Variants in VSIR observed in about 807,000 individuals in gnomAD.
The protein encoded by VSIR is V-type immunoglobulin domain-containing suppressor of T-cell activation.
VSIR carries 10 observed loss-of-function variants against 31.0 expected under a neutral mutation model. The observed-to-expected ratio is 0.32, with a 90% CI of 0.20 to 0.55. The LOEUF (loss-of-function observed/expected upper bound fraction) is 0.55. Ranked by LOEUF, VSIR falls within the 20% of genes least tolerant of loss-of-function variation. The probability of loss-of-function intolerance (pLI) is 0.93; values close to 1 mark genes in which losing one functional copy is unlikely to be tolerated. For synonymous variants in VSIR, 179 were observed against 180.1 expected (o/e 0.99, Z 0.05); for missense variants, 356 against 416.2 (o/e 0.86, Z 1.26).
chr10:71,765,565 A>T lies in VSIR; in HGVS notation c.83-3539T>A, dbSNP rs577698656. 7.2e-4 allele frequency among the ~76,000 whole-genome samples: 110 copies of T among 152,088 alleles called. 1 individual carries two copies. Among genetic ancestry groups the T allele is most frequent in the Admixed American group, 3.5e-3 (54 of 15,290 alleles). ...CAGGGTCTAAGCAATGGGGTTAATGACCCCAGGATTGTACCCATAGCACCC... is the reference window on the plus strand; with the variant it reads ...CAGGGTCTAAGCAATGGGGTTAATGTCCCCAGGATTGTACCCATAGCACCC... On this transcript the variant is annotated intron_variant, in intron 1 of 6. Coordinates refer to ENST00000394957, the MANE Select transcript of VSIR (RefSeq NM_022153.2).
At chr10:71,753,944 G>T (rs76857130) in intron 4 of VSIR, 2 of 450,144 alleles carry the variant, frequency 4.4e-6, no homozygotes, top group African/African-American at 2.0e-5. Flanking sequence ...TGGGGTGAGG[G>T]TTGTTGGTCC....
At position 71,773,477 on chromosome 10, in the gene VSIR, G is replaced by C. The variant is rs538222357; in HGVS notation, c.-38C>G. On this transcript the variant is annotated 5_prime_UTR_variant, in exon 1 of 7. Coordinates refer to ENST00000394957, the MANE Select transcript of VSIR (RefSeq NM_022153.2). The stretch of plus-strand genomic sequence containing the variant: ...CGCGCAGAGGAACTTCTGGTGCCGG[G>C]GAGCGGGCGGGACGCGGCCGGCGCG... 2.6e-6 allele frequency: 4 copies of C among 1,555,406 alleles called. No individual in the cohort carries two copies. Among genetic ancestry groups the C allele is most frequent in the Non-Finnish European group, 3.5e-6 (4 of 1,147,070 alleles).
rs1270716103 is a variant in VSIR at position 71,761,600 on chromosome 10, G to A, written c.509C>T (p.Thr170Ile). 4 of 1,583,394 alleles carry A rather than the reference G, an allele frequency of 2.5e-6. No homozygotes were observed. Among genetic ancestry groups the A allele is most frequent in the East Asian group, 2.2e-5 (1 of 44,472 alleles). The change falls in exon 2 of 7, where the codon ACA (threonine) becomes ATA (isoleucine). Residue 170 changes from threonine to isoleucine, a missense_variant and splice_region_variant. Around this residue, in one of 2 missense-constraint regions of VSIR, gnomAD observed 190 missense variants for 185.2 expected, o/e 1.03. Coordinates refer to ENST00000394957, the MANE Select transcript of VSIR (RefSeq NM_022153.2). ...VHGAMELQVQ[T>I]GKDAPSNCVV... is the part of the protein sequence containing the mutation. ...TGTCACGTGCAGGATGCCCTCACCT[G>A]TCTGCACCTGCAGCTCCATGGCACC...
At chr10:71,770,427 C>A (rs962284815) in intron 1 of VSIR, among the ~76,000 whole-genome samples, 3 of 152,164 alleles carry the variant, frequency 2.0e-5, no homozygotes, top group Admixed American at 2.0e-4. Context: ...AAGAGTTAAG[C>A]AAGGGGCTGT....
At chr10:71,764,447 G>A (rs888797216) in intron 1 of VSIR, among the ~76,000 whole-genome samples, 4 of 152,088 alleles carry the variant, frequency 2.6e-5, no homozygotes, top group Non-Finnish European at 5.9e-5. Context: ...GCCACATCCA[G>A]CCTTCACACA....
At chr10:71,760,959 G>A in intron 2 of VSIR, 35 bp from the exon 3 acceptor site, 1 of 1,607,820 alleles carries the variant, frequency 6.2e-7, no homozygotes, top group African/African-American at 1.3e-5. Flanking sequence ...TTAGGTGGGT[G>A]TCAGGCCCAG....
At position 71,773,454 on chromosome 10, in the gene VSIR, C is replaced by G. The variant is rs185271049; in HGVS notation, c.-15G>C. On this transcript the variant is annotated 5_prime_UTR_variant, in exon 1 of 7. Coordinates refer to ENST00000394957, the MANE Select transcript of VSIR (RefSeq NM_022153.2). ...GGGACGCCCATGTCGCCGTCGGACG[C>G]GCAGAGGAACTTCTGGTGCCGGGGA... The G allele has an allele frequency of 1.8e-3, 2,806 of 1,581,804 alleles. 39 individuals carry two copies. In the South Asian group the frequency reaches 0.018, roughly 10 times the overall value.
Position 71,760,891 on chromosome 10 carries a change from G to A in VSIR, c.545C>T (p.Pro182Leu), listed in dbSNP as rs867185788. Residue 182 changes from proline (P) to leucine (L), a missense_variant, in exon 3 of 7, where the codon CCA becomes CTA. Pro to Leu is a moderately conservative substitution (Grantham distance 98). Transcript: ENST00000394957. ...ACTTTCACTATCCTGGGAGGAGGAT[G>A]GGTACACCACACAGTTGGATGGTGC... ...KDAPSNCVVY[P>L]SSSQDSENIT... 1.9e-6 allele frequency: 3 copies of A among 1,613,768 alleles called. No individual in the cohort carries two copies. The highest frequency in any genetic ancestry group is 1.3e-5 in the African/African-American group (1 of 75,000).
chr10:71,755,975 T>G (rs142579611), intron 3 of VSIR, among the ~76,000 whole-genome samples: 1 of 152,286 alleles, frequency 6.6e-6, no homozygotes, highest in African/African-American at 2.4e-5. Flanking sequence ...ACATTATATA[T>G]GTTTTATCAT....
In VSIR at chr10:71,753,096, G is replaced by A. The variant is rs114762370; in HGVS notation, c.677-94C>T. 618 of 1,479,206 alleles carry A rather than the reference G, an allele frequency of 4.2e-4. 1 individual carries two copies. The African/African-American group carries it at 7.9e-3, about 19-fold the overall frequency. The allele number at this position is 1,479,206 out of a possible 1,614,324, so 91.6% of individuals were successfully genotyped here. A position where few individuals can be genotyped will look rare whatever the true frequency, so the allele number is the denominator to read the frequency against. On this transcript the variant is annotated intron_variant, in intron 4 of 6. Transcript: ENST00000394957. ...GCTGGCAGATGCCCTGCAGGGAACAGGAGCGAGCCCAGGAGGGCCCTGCAC... is the reference window on the plus strand; with the variant it reads ...GCTGGCAGATGCCCTGCAGGGAACAAGAGCGAGCCCAGGAGGGCCCTGCAC...
At chr10:71,770,962 GA>G (rs1225454369) in intron 1 of VSIR, among the ~76,000 whole-genome samples, 1 of 152,226 alleles carries the variant, frequency 6.6e-6, no homozygotes, top group Non-Finnish European at 1.5e-5. Context: ...GTGGGTTGTG[GA>G]TTTCCTAAGA....
chr10:71,772,761 T>A (rs80160252), intron 1 of VSIR, among the ~76,000 whole-genome samples: 1,743 of 152,308 alleles, frequency 0.011, 24 homozygotes, highest in South Asian at 0.045. Flanking sequence ...AGGAATCAGC[T>A]GACCACTTAT....
At chr10:71,764,830 C>G (rs933221311) in intron 1 of VSIR, among the ~76,000 whole-genome samples, 1 of 152,218 alleles carries the variant, frequency 6.6e-6, no homozygotes, top group Non-Finnish European at 1.5e-5. Flanking sequence ...CCCACAGACT[C>G]AAGAGAGGAG....
chr10:71,772,032 G>A (rs1446701443), intron 1 of VSIR, among the ~76,000 whole-genome samples: 2 of 152,176 alleles, frequency 1.3e-5, no homozygotes, highest in Non-Finnish European at 2.9e-5. Context: ...GTTCCTTCTG[G>A]AAGCCATGCC....
intron 1 of VSIR, among the ~76,000 whole-genome samples, chr10:71,765,494 G>C (rs1840514936): frequency 6.6e-6 from 1 of 152,192 alleles, no homozygotes; most frequent in South Asian, 2.1e-4. Context: ...GTTGGCCTGA[G>C]TGTCCCTGTG....
intron 1 of VSIR, among the ~76,000 whole-genome samples, chr10:71,772,177 T>C (rs1346011608): frequency 1.3e-5 from 2 of 152,182 alleles, no homozygotes; most frequent in Non-Finnish European, 2.9e-5. Flanking sequence ...GGAGCCCTCC[T>C]CCTCCTCAGA....
chr10:71,770,436 G>A (rs1840660065), intron 1 of VSIR, among the ~76,000 whole-genome samples: 1 of 147,458 alleles, frequency 6.8e-6, no homozygotes, highest in South Asian at 2.2e-4. Context: ...GCAAGGGGCT[G>A]TACGGAAGCC....
intron 3 of VSIR, among the ~76,000 whole-genome samples, chr10:71,756,424 T>C (rs1449258612): frequency 6.6e-6 from 1 of 152,216 alleles, no homozygotes; most frequent in Non-Finnish European, 1.5e-5. Context: ...GTAGACATGT[T>C]GTTTCCATTT....
At chr10:71,755,507 C>A (rs771008959) in intron 3 of VSIR, 41 bp from the exon 4 acceptor site, 12 of 1,550,332 alleles carry the variant, frequency 7.7e-6, no homozygotes, top group Middle Eastern at 1.7e-4. Context: ...GCCCCATTCC[C>A]ATTGCTCCTC....
Sources: allele counts gnomAD v4.1 joint callset (sites outside exome capture counted in the v4.1 genomes callset), GRCh38; gene constraint gnomAD v4.1.1; regional missense constraint gnomAD v4.1.1; transcripts MANE v1.5; gene names NCBI Gene and HGNC (gene_info 2026-07-23, HGNC 2026-07-21).